The following ACVR2A variants were observed in gnomAD, a reference collection of about 807,000 sequenced individuals.
The protein encoded by ACVR2A is activin receptor type-2A.
In ACVR2A, 7 loss-of-function variants were observed where a neutral mutation model predicts 61.4. The ratio of observed to expected loss-of-function variants is 0.11; its 90% CI spans 0.06 to 0.21. The LOEUF (loss-of-function observed/expected upper bound fraction) is 0.21. ACVR2A is among the 10% of genes least tolerant of loss of function. The pLI, the probability that ACVR2A is intolerant of heterozygous loss-of-function variation, is 1.00. For missense variants in ACVR2A, 322 were observed against 621.7 expected, an observed-to-expected ratio of 0.52 and a Z score of 5.13; for synonymous variants, 193 against 208.3, an observed-to-expected ratio of 0.93 and a Z score of 0.63.
At chr2:147,896,531 A>G (rs1341571173) in intron 2 of ACVR2A, 23 bp downstream of exon 2, 9 of 1,609,030 alleles carry the variant, frequency 5.6e-6, no homozygotes, top group South Asian at 4.4e-5. Flanking sequence ...TTAAGATTTT[A>G]TGGTAGTATT....
chr2:147,845,826 G>C (rs1685297789), intron 1 of ACVR2A, among the ~76,000 whole-genome samples: 1 of 152,160 alleles, frequency 6.6e-6, no homozygotes, highest in African/African-American at 2.4e-5. Context: ...GAGGTATGCC[G>C]CTTGGTATTG....
chr2:147,873,049 G>T (rs1686062454), intron 1 of ACVR2A, among the ~76,000 whole-genome samples: 1 of 151,930 alleles, frequency 6.6e-6, no homozygotes, highest in Non-Finnish European at 1.5e-5. Flanking sequence ...TACATTATTT[G>T]TGATGAGACA....
chr2:147,869,697 C>G (rs766888819), intron 1 of ACVR2A, among the ~76,000 whole-genome samples: 3 of 152,072 alleles, frequency 2.0e-5, no homozygotes, highest in Non-Finnish European at 4.4e-5. Flanking sequence ...CATGAGAAAC[C>G]AGATGAATAC....
At chr2:147,918,177 A>C (rs998324456) in intron 6 of ACVR2A, among the ~76,000 whole-genome samples, 1 of 151,792 alleles carries the variant, frequency 6.6e-6, no homozygotes, top group Non-Finnish European at 1.5e-5. Context: ...TTAAAAAAAA[A>C]AAAAAACAAA....
chr2:147,845,348 G>GGCCCCCCCCCCCC, intron 1 of ACVR2A, 141 bp downstream of exon 1: 2 of 271,698 alleles, frequency 7.4e-6, no homozygotes, highest in Non-Finnish European at 1.2e-5. Context: ...GGCTGCCACC[G>GGCCCCCCCCCCCC]CCCCCCCCCC....
chr2:147,918,484 C>G lies in ACVR2A; in HGVS notation c.854C>G (p.Ser285Cys). ...LSDFLKANVVSWNELCHIAET... is the reference protein window; with the variant it reads ...LSDFLKANVVCWNELCHIAET... ...GACTTTCTTAAGGCTAATGTGGTCT[C>G]TTGGAATGAACTGTGTCATATTGCA... Residue 285 changes from serine (S) to cysteine (C), a missense_variant, in exon 7 of 11, where the codon TCT becomes TGT. This residue lies in a region of ACVR2A where 146 missense variants were observed against 383.8 expected (regional missense o/e 0.38). Coordinates refer to ENST00000241416, the MANE Select transcript of ACVR2A (RefSeq NM_001616.5). The G allele has an allele frequency of 2.5e-6, 4 of 1,611,968 alleles. No individual in the cohort carries two copies. In the East Asian group the frequency reaches 8.9e-5, roughly 36 times the overall value.
At chr2:147,915,164 T>C (rs149826282) in intron 4 of ACVR2A, 27 bp from the exon 5 acceptor site, 1 of 1,605,788 alleles carries the variant, frequency 6.2e-7, no homozygotes, top group Non-Finnish European at 8.5e-7. Context: ...TCTGCTTATT[T>C]ATAGTATTAT....
At chr2:147,853,227 A>G (rs766564212) in intron 1 of ACVR2A, among the ~76,000 whole-genome samples, 4 of 152,164 alleles carry the variant, frequency 2.6e-5, no homozygotes, top group Non-Finnish European at 5.9e-5. Flanking sequence ...TGGAAAAATA[A>G]GAGTACATAA....
chr2:147,864,181 T>A (rs535256025), intron 1 of ACVR2A, among the ~76,000 whole-genome samples: 1 of 152,238 alleles, frequency 6.6e-6, no homozygotes, highest in East Asian at 1.9e-4. Context: ...TTAAATGATG[T>A]AGCATACTTT....
Position 147,896,601 on chromosome 2 carries a change from C to A in ACVR2A, c.263+93C>A. 3 of 1,223,898 alleles carry A rather than the reference C, an allele frequency of 2.5e-6. No individual in the cohort carries two copies. In the South Asian group the frequency reaches 4.1e-5, roughly 17 times the overall value. The allele number at this position is 1,223,898 out of a possible 1,614,324, so 75.8% of individuals were successfully genotyped here. On this transcript the variant is annotated intron_variant, in intron 2 of 10. Transcript: ENST00000241416. The stretch of plus-strand genomic sequence containing the variant: ...GGAAAGATCAGTGCATAAATTTTCA[C>A]TTAAATGTTTCTTGCTTTTTAAAAA...
chr2:147,903,464 G>T (rs940639940), intron 4 of ACVR2A, among the ~76,000 whole-genome samples: 1 of 151,702 alleles, frequency 6.6e-6, no homozygotes, highest in Non-Finnish European at 1.5e-5. Context: ...CTCAAAGTTG[G>T]CCTTCTTGCG....
At chr2:147,870,514 G>C (rs918860958) in intron 1 of ACVR2A, among the ~76,000 whole-genome samples, 8 of 152,156 alleles carry the variant, frequency 5.3e-5, no homozygotes, top group Non-Finnish European at 1.0e-4. Flanking sequence ...CTAGTACCCT[G>C]TGGGCTGCCC....
intron 4 of ACVR2A, among the ~76,000 whole-genome samples, chr2:147,903,968 C>T (rs1432693321): frequency 2.6e-5 from 4 of 151,946 alleles, no homozygotes; most frequent in Non-Finnish European, 5.9e-5. Flanking sequence ...TCCAGGGATT[C>T]CTTTAATAAA....
At chr2:147,871,976 C>T (rs1686031797) in intron 1 of ACVR2A, among the ~76,000 whole-genome samples, 1 of 152,048 alleles carries the variant, frequency 6.6e-6, no homozygotes. Context: ...TACCGTATTA[C>T]AGATTTTTAT....
At chr2:147,858,053 T>C (rs1685631488) in intron 1 of ACVR2A, among the ~76,000 whole-genome samples, 1 of 152,150 alleles carries the variant, frequency 6.6e-6, no homozygotes, top group Non-Finnish European at 1.5e-5. Context: ...TGTGAGAACT[T>C]GTGGTATTTG....
At chr2:147,917,031 G>A (rs930120560) in intron 5 of ACVR2A, among the ~76,000 whole-genome samples, 1 of 151,844 alleles carries the variant, frequency 6.6e-6, no homozygotes, top group African/African-American at 2.4e-5. Flanking sequence ...CAGCATTTCC[G>A]ATCACCTTCT....
intron 1 of ACVR2A, among the ~76,000 whole-genome samples, chr2:147,854,492 A>G (rs576177453): frequency 2.6e-5 from 4 of 152,202 alleles, no homozygotes; most frequent in African/African-American, 4.8e-5. Context: ...TTTGAGATCA[A>G]TATTTTGAAT....
At chr2:147,903,186 A>G (rs1205436546) in intron 4 of ACVR2A, among the ~76,000 whole-genome samples, 1 of 151,856 alleles carries the variant, frequency 6.6e-6, no homozygotes. Context: ...AGTAACCAAT[A>G]CAAATACAAA....
chr2:147,920,410 G>A, intron 8 of ACVR2A, 66 bp downstream of exon 8: 1 of 1,222,052 alleles, frequency 8.2e-7, no homozygotes, highest in Non-Finnish European at 1.2e-6. Context: ...AGAATGGCAT[G>A]TCAGGACTGA....
Sources: gnomAD v4.1 joint callset for allele counts (sites outside exome capture counted in the v4.1 genomes callset) on GRCh38, gnomAD v4.1.1 for gene constraint, gnomAD v4.1.1 regional missense constraint, MANE v1.5 for transcripts, NCBI Gene and HGNC (gene_info 2026-07-23, HGNC 2026-07-21) for gene names.